The following SGCZ variants were observed in gnomAD, a reference collection of about 807,000 sequenced individuals.
SGCZ encodes zeta-sarcoglycan.
Under a neutral mutation model 41.3 loss-of-function variants are expected in SGCZ, and 40 were observed. That is an observed-to-expected ratio of 0.97 (90% confidence interval 0.75 to 1.26). SGCZ has a LOEUF of 1.26. Among genes scored for constraint, SGCZ ranks in the 50% most tolerant of loss-of-function variants. SGCZ has a pLI of 0.00. For missense variants in SGCZ, 552 were observed against 369.8 expected (o/e 1.49, Z -4.04); for synonymous variants, 206 against 137.5 (o/e 1.50, Z -3.49).
At position 14,406,860 on chromosome 8, in the gene SGCZ, G is replaced by A. The variant is rs188808874; in HGVS notation, c.235-82656C>T. The stretch of plus-strand genomic sequence containing the variant: ...TGAGATGCAGTTCTGTGAAAACTGC[G>A]TATAGGGTAGCCTCCTTTCGCAAGG... On this transcript the variant is annotated intron_variant, in intron 2 of 7. Transcript: ENST00000382080. Among the ~76,000 whole-genome samples the A allele has an allele frequency of 4.0e-3, 605 of 152,158 alleles. 3 individuals carry two copies. The highest frequency in any genetic ancestry group is 1.9e-3 in the Non-Finnish European group (126 of 68,006).
intron 1 of SGCZ, among the ~76,000 whole-genome samples, chr8:14,776,431 A>T (rs1800403029): frequency 6.6e-6 from 1 of 152,064 alleles, no homozygotes; most frequent in Admixed American, 6.6e-5. Flanking sequence ...TGAGTCCATT[A>T]AACCTGTTTC....
chr8:14,296,819 G>T (rs943432233), intron 3 of SGCZ, among the ~76,000 whole-genome samples: 2 of 151,914 alleles, frequency 1.3e-5, no homozygotes, highest in African/African-American at 2.4e-5. Context: ...TTAAAAATAC[G>T]TATCAAAATA....
chr8:14,802,770 A>G (rs1193543640), intron 1 of SGCZ, among the ~76,000 whole-genome samples: 2 of 152,332 alleles, frequency 1.3e-5, no homozygotes, highest in Non-Finnish European at 2.9e-5. Context: ...GACAAATTGA[A>G]AAATGGGCTT....
rs186744073 is a variant in SGCZ at position 14,253,082 on chromosome 8, T to C, written c.337-15403A>G. Among the ~76,000 whole-genome samples the C allele has an allele frequency of 1.7e-3, 259 of 152,216 alleles. 1 individual carries two copies. Among genetic ancestry groups the C allele is most frequent in the African/African-American group, 5.8e-3 (239 of 41,540 alleles). ...TCATGAAAAATAAATAAAAGAAGGC[T>C]AGAGTATGGAGGTAAGGGTTGAGAA... On this transcript the variant is annotated intron_variant, in intron 3 of 7. Coordinates refer to ENST00000382080, the MANE Select transcript of SGCZ (RefSeq NM_139167.4).
intron 1 of SGCZ, among the ~76,000 whole-genome samples, chr8:14,594,254 C>T (rs1014666760): frequency 6.6e-6 from 1 of 151,276 alleles, no homozygotes. Context: ...AATGGCTGAA[C>T]CCCGCCTCCC....
chr8:14,962,241 C>T (rs1195024414), intron 1 of SGCZ, among the ~76,000 whole-genome samples: 1 of 152,058 alleles, frequency 6.6e-6, no homozygotes, highest in African/African-American at 2.4e-5. Flanking sequence ...GAAGACTTCT[C>T]ATATAGACAA....
chr8:14,325,739 CACACACACATATATATATAT>C (rs1185767249), intron 2 of SGCZ, among the ~76,000 whole-genome samples: 1 of 32,118 alleles, frequency 3.1e-5, no homozygotes, highest in African/African-American at 8.7e-5. Flanking sequence ...CACACACACA[CACACACACATATATATATAT>C]ATATATATAT....
At chr8:15,053,159 A>T (rs1183237021) in intron 1 of SGCZ, among the ~76,000 whole-genome samples, 1 of 152,022 alleles carries the variant, frequency 6.6e-6, no homozygotes, top group East Asian at 1.9e-4. Flanking sequence ...TGATGCTTTG[A>T]TTTCACAGCA....
chr8:14,464,601 G>C (rs1385364263), intron 2 of SGCZ, among the ~76,000 whole-genome samples: 1 of 148,820 alleles, frequency 6.7e-6, no homozygotes, highest in South Asian at 2.1e-4. Flanking sequence ...GTTTATCTCT[G>C]CTTTAGTCTT....
intron 2 of SGCZ, among the ~76,000 whole-genome samples, chr8:14,448,269 G>A (rs528803442): frequency 2.0e-5 from 3 of 152,202 alleles, no homozygotes; most frequent in African/African-American, 7.2e-5. Context: ...TCTAAAATGA[G>A]GATACATATT....
chr8:14,221,046 T>C (rs1055230443), intron 4 of SGCZ, among the ~76,000 whole-genome samples: 1 of 151,902 alleles, frequency 6.6e-6, no homozygotes, highest in Non-Finnish European at 1.5e-5. Context: ...GAAGCCCAAG[T>C]AGAGGTAACT....
chr8:14,205,163 T>C (rs569285480), intron 4 of SGCZ, among the ~76,000 whole-genome samples: 59 of 67,822 alleles, frequency 8.7e-4, no homozygotes, highest in Non-Finnish European at 1.4e-3. Flanking sequence ...AGTGGTATCC[T>C]AGACTTTATT....
intron 2 of SGCZ, among the ~76,000 whole-genome samples, chr8:14,341,367 G>A (rs1172526075): frequency 2.0e-5 from 3 of 152,128 alleles, no homozygotes; most frequent in African/African-American, 4.8e-5. Flanking sequence ...CACAATGCTT[G>A]TACCATTTTA....
chr8:15,034,513 G>A (rs184067334), intron 1 of SGCZ, among the ~76,000 whole-genome samples: 62 of 152,186 alleles, frequency 4.1e-4, no homozygotes, highest in Middle Eastern at 3.4e-3. Flanking sequence ...TTAAGGAGAA[G>A]AGAGAAATAA....
intron 1 of SGCZ, among the ~76,000 whole-genome samples, chr8:15,150,109 G>C (rs1204470504): frequency 6.6e-6 from 1 of 152,096 alleles, no homozygotes; most frequent in African/African-American, 2.4e-5. Context: ...GTGGCTTGTG[G>C]ATTTTTGAGC....
chr8:14,523,154 T>A (rs7812643), intron 2 of SGCZ, among the ~76,000 whole-genome samples: 4 of 151,720 alleles, frequency 2.6e-5, no homozygotes, highest in Admixed American at 1.3e-4. Flanking sequence ...TTAGAACCAC[T>A]TTAGAGAGTG....
intron 1 of SGCZ, among the ~76,000 whole-genome samples, chr8:14,900,757 A>C (rs1272458855): frequency 6.6e-6 from 1 of 152,222 alleles, no homozygotes; most frequent in Non-Finnish European, 1.5e-5. Flanking sequence ...TAAAGATGCA[A>C]ATTGCATGAA....
At chr8:14,186,731 G>T (rs552361142) in intron 4 of SGCZ, among the ~76,000 whole-genome samples, 44 of 152,322 alleles carry the variant, frequency 2.9e-4, no homozygotes, top group African/African-American at 9.4e-4. Context: ...ATTTGCCACA[G>T]TGCTAGAAGA....
chr8:14,669,204 T>G (rs1324701817), intron 1 of SGCZ, among the ~76,000 whole-genome samples: 2 of 149,486 alleles, frequency 1.3e-5, no homozygotes, highest in African/African-American at 2.5e-5. Flanking sequence ...AATATATATA[T>G]ATATATAGCT....
Sources: allele counts gnomAD v4.1 joint callset (sites outside exome capture counted in the v4.1 genomes callset), GRCh38; gene constraint gnomAD v4.1.1; transcripts MANE v1.5; gene names NCBI Gene and HGNC (gene_info 2026-07-23, HGNC 2026-07-21).